The following PNISR variants were observed in gnomAD, a reference collection of about 807,000 sequenced individuals.
The protein encoded by PNISR is PNN interacting serine and arginine rich protein, also known as arginine/serine-rich protein PNISR.
In PNISR, 20 loss-of-function variants were observed where a neutral mutation model predicts 93.4. The observed-to-expected ratio is 0.21, with a 90% CI of 0.15 to 0.31. PNISR has a LOEUF of 0.31. Among genes scored for constraint, PNISR ranks in the 10% least tolerant of loss-of-function variants. The pLI is 1.00. For synonymous variants in PNISR, 305 were observed against 306.5 expected (o/e 0.99, Z 0.05); for missense variants, 893 against 985.4 (o/e 0.91, Z 1.25).
At chr6:99,422,894 A>C (rs1049298111) in intron 1 of PNISR, among the ~76,000 whole-genome samples, 44 of 145,974 alleles carry the variant, frequency 3.0e-4, no homozygotes, top group African/African-American at 9.5e-4. Context: ...AAAAAAAAAA[A>C]AAAAACTGGA....
At chr6:99,404,102 G>C (rs1245744510) in intron 9 of PNISR, 2 of 512,440 alleles carry the variant, frequency 3.9e-6, no homozygotes, top group Admixed American at 7.5e-5. Flanking sequence ...AAAAAATGTT[G>C]ACAGGTATAT....
intron 9 of PNISR, 73 bp downstream of exon 9, chr6:99,404,529 AC>A (rs1562232622): frequency 1.3e-6 from 1 of 795,990 alleles, no homozygotes; most frequent in African/African-American, 1.7e-5. Flanking sequence ...AACAAGGACA[AC>A]AAAAAAAGGC....
intron 6 of PNISR, 50 bp from the exon 7 acceptor site, chr6:99,408,321 T>C (rs1776414744): frequency 7.7e-7 from 1 of 1,292,402 alleles, no homozygotes; most frequent in Non-Finnish European, 1.1e-6. Flanking sequence ...AAAATATTTC[T>C]ACAAACTTGT....
chr6:99,421,482 G>A (rs1301965504), intron 1 of PNISR, among the ~76,000 whole-genome samples: 1 of 152,100 alleles, frequency 6.6e-6, no homozygotes, highest in Non-Finnish European at 1.5e-5. Context: ...GATTAGGAGG[G>A]ACCTTATTAA....
intron 1 of PNISR, among the ~76,000 whole-genome samples, chr6:99,424,532 T>G (rs973792939): frequency 2.0e-5 from 3 of 152,228 alleles, no homozygotes; most frequent in African/African-American, 7.2e-5. Context: ...GTTTTCGCCC[T>G]GCTGCACTCA....
In PNISR at chr6:99,419,152, C is replaced by CAAAAAAAAAAAAAAAAAAAAAAAA. The variant is rs1166838873; in HGVS notation, c.-111-2748_-111-2725dup. 3.5e-4 allele frequency among the ~76,000 whole-genome samples: 7 copies of CAAAAAAAAAAAAAAAAAAAAAAAA among 19,824 alleles called. 3 individuals are homozygous for CAAAAAAAAAAAAAAAAAAAAAAAA. The highest frequency in any genetic ancestry group is 4.8e-4 in the Non-Finnish European group (5 of 10,406). 13.0% of individuals were successfully genotyped at this position (19,824 alleles called of 152,430 possible). ...TGGGTGCCAGAGCGAGACTCCGTCT[C>CAAAAAAAAAAAAAAAAAAAAAAAA]AAAAAAAAAAAAAAAAAAAAAAAAA... On this transcript the variant is annotated intron_variant, in intron 1 of 11. Coordinates refer to ENST00000369239, the MANE Select transcript of PNISR (RefSeq NM_032870.4).
At chr6:99,410,647 G>C in intron 5 of PNISR, 94 bp downstream of exon 5, 2 of 823,644 alleles carry the variant, frequency 2.4e-6, no homozygotes, top group South Asian at 3.3e-5. Context: ...AGTCTGAAAA[G>C]TGAAACACGT....
Position 99,399,960 on chromosome 6 carries a change from A to G in PNISR, c.*580T>C, listed in dbSNP as rs1480086761. ...ATTAAAACCATAAAATTAAGGTGCA[A>G]GAGTTTAACAAAAATGAACTAAAGA... On this transcript the variant is annotated 3_prime_UTR_variant, in exon 12 of 12. Transcript: ENST00000369239. The G allele has an allele frequency of 1.3e-5, 2 of 152,214 alleles. No individual in the cohort carries two copies. Among genetic ancestry groups the G allele is most frequent in the African/African-American group, 2.4e-5 (1 of 41,458 alleles). 9.4% of individuals were successfully genotyped at this position (152,214 alleles called of 1,614,324 possible).
At position 99,409,218 on chromosome 6, in the gene PNISR, G is replaced by A. The variant is rs768710587; in HGVS notation, c.628C>T (p.Arg210Cys). 23 of 1,613,908 alleles carry A rather than the reference G, an allele frequency of 1.4e-5. No individual in the cohort carries two copies. Among genetic ancestry groups the A allele is most frequent in the East Asian group, 6.7e-5 (3 of 44,870 alleles). ...TTCACAGGAAGTGCAATAGGTGAAC[G>A]CTGACGATCCCTGAATGATGATGGC... is the stretch of plus-strand genomic sequence containing the variant. ...ERPSSFRDRQ[R>C]SPIALPVKQE... The change falls in exon 6 of 12, where the codon CGT becomes TGT. Residue 210 changes from arginine to cysteine, a missense_variant. By Grantham distance (180) the Arg-to-Cys change is radical. Around this residue, in one of 3 missense-constraint regions of PNISR, gnomAD observed 866 missense variants for 935.1 expected, o/e 0.93. Coordinates refer to ENST00000369239, the MANE Select transcript of PNISR (RefSeq NM_032870.4).
chr6:99,401,187 T>C lies in PNISR; in HGVS notation c.1771A>G (p.Ile591Val). The change falls in exon 12 of 12, where the codon ATT becomes GTT. Residue 591 changes from isoleucine to valine, a missense_variant. Ile to Val is a conservative substitution (Grantham distance 29). Coordinates refer to ENST00000369239, the MANE Select transcript of PNISR (RefSeq NM_032870.4). ...CTATTAGATCTCCTTCTATCTCTAA[T>C]CTTTACCCTAGCCCTATTGCTCTCT... ...KIESNRARVK[I>V]RDRRRSNRNS... 6.2e-7 allele frequency: 1 copy of C among 1,614,152 alleles called. No homozygotes were observed. Among genetic ancestry groups the C allele is most frequent in the Non-Finnish European group, 8.5e-7 (1 of 1,179,998 alleles).
At chr6:99,409,476 C>A in intron 5 of PNISR, 132 bp from the exon 6 acceptor site, 1 of 706,736 alleles carries the variant, frequency 1.4e-6, no homozygotes, top group South Asian at 2.1e-5. Context: ...GCTCTAATAT[C>A]CACCGATACT....
At chr6:99,413,512 G>A (rs1410392755) in intron 3 of PNISR, among the ~76,000 whole-genome samples, 2 of 151,854 alleles carry the variant, frequency 1.3e-5, no homozygotes, top group Non-Finnish European at 2.9e-5. Context: ...TTTTGGTAGC[G>A]ATGGGGTTTC....
At chr6:99,404,167 A>G (rs1397362650) in intron 9 of PNISR, 1 of 413,820 alleles carries the variant, frequency 2.4e-6, no homozygotes, top group Non-Finnish European at 4.3e-6. Context: ...TTTTCAATAC[A>G]TTTTTAAGGT....
chr6:99,399,132 A>T lies in PNISR; in HGVS notation c.*1408T>A, dbSNP rs1339272507. 6.6e-6 allele frequency: 1 copy of T among 152,158 alleles called. No homozygotes were observed. The highest frequency in any genetic ancestry group is 1.5e-5 in the Non-Finnish European group (1 of 67,966). The allele number at this position is 152,158 out of a possible 1,614,324, so 9.4% of individuals were successfully genotyped here. The stretch of plus-strand genomic sequence containing the variant: ...TTTTTAAAATGAACTATTGCTGGTA[A>T]GAAGGCATACTTTAAAACTTTTCTG... On this transcript the variant is annotated 3_prime_UTR_variant, in exon 12 of 12. Transcript: ENST00000369239.
At chr6:99,418,147 A>T (rs1317095935) in intron 1 of PNISR, among the ~76,000 whole-genome samples, 3 of 150,774 alleles carry the variant, frequency 2.0e-5, no homozygotes, top group Non-Finnish European at 3.0e-5. Context: ...TTATTATTAT[A>T]TTTTTTTTGA....
chr6:99,422,273 A>T (rs1778665418), intron 1 of PNISR, among the ~76,000 whole-genome samples: 1 of 152,242 alleles, frequency 6.6e-6, no homozygotes, highest in African/African-American at 2.4e-5. Context: ...CTACAAAATC[A>T]AAGAGCTACA....
intron 2 of PNISR, chr6:99,415,861 T>A (rs1217687728): frequency 6.6e-6 from 1 of 152,228 alleles, no homozygotes; most frequent in Non-Finnish European, 1.5e-5. Context: ...CGATTACAAT[T>A]CAGGCTTTTA....
At chr6:99,419,152 CAAAAAAAAAAAAA>C (rs1166838873) in intron 1 of PNISR, among the ~76,000 whole-genome samples, 250 of 19,748 alleles carry the variant, frequency 0.013, no homozygotes, top group African/African-American at 0.043. Flanking sequence ...GACTCCGTCT[CAAAAAAAAAAAAA>C]AAAAAAAAAA....
chr6:99,424,732 ATACTACC>A (rs1271322928), intron 1 of PNISR, among the ~76,000 whole-genome samples: 2 of 152,286 alleles, frequency 1.3e-5, no homozygotes, highest in African/African-American at 2.4e-5. Flanking sequence ...GAAATATTGG[ATACTACC>A]TTTAGCGAAG....
Sources: allele counts gnomAD v4.1 joint callset (sites outside exome capture counted in the v4.1 genomes callset), GRCh38; gene constraint gnomAD v4.1.1; regional missense constraint gnomAD v4.1.1; transcripts MANE v1.5; gene names NCBI Gene and HGNC (gene_info 2026-07-23, HGNC 2026-07-21).